Variants in LRFN2 observed in about 807,000 individuals in gnomAD.
The protein encoded by LRFN2 is leucine-rich repeat and fibronectin type-III domain-containing protein 2.
In LRFN2, 18 loss-of-function variants were observed where a neutral mutation model predicts 37.3. The observed-to-expected ratio is 0.48, with a 90% confidence interval of 0.33 to 0.72. The LOEUF (loss-of-function observed/expected upper bound fraction) is 0.72. Ranked by LOEUF, LRFN2 falls within the 30% of genes least tolerant of loss-of-function variation. The pLI, the probability that LRFN2 is intolerant of heterozygous loss-of-function variation, is 0.02. For synonymous variants in LRFN2, 556 were observed against 466.6 expected (o/e 1.19, Z -2.47); for missense variants, 1,006 against 1,060.7 (o/e 0.95, Z 0.72).
chr6:40,400,943 G>T (rs1380133084), intron 2 of LRFN2, among the ~76,000 whole-genome samples: 2 of 151,640 alleles, frequency 1.3e-5, no homozygotes, highest in Non-Finnish European at 2.9e-5. Context: ...AAGGGGTCCT[G>T]GTCCTAGGCA....
chr6:40,396,879 C>T (rs1389890279), intron 2 of LRFN2, among the ~76,000 whole-genome samples: 3 of 152,112 alleles, frequency 2.0e-5, no homozygotes, highest in African/African-American at 4.8e-5. Flanking sequence ...CCAGTATTTG[C>T]CTAGCACTTA....
chr6:40,479,436 T>G (rs559428783), intron 1 of LRFN2, among the ~76,000 whole-genome samples: 3 of 152,128 alleles, frequency 2.0e-5, no homozygotes, highest in Non-Finnish European at 4.4e-5. Context: ...CAAGTCGCTT[T>G]CTCTCACTGG....
intron 1 of LRFN2, among the ~76,000 whole-genome samples, chr6:40,501,150 A>G (rs1765371747): frequency 6.6e-6 from 1 of 151,334 alleles, no homozygotes; most frequent in African/African-American, 2.4e-5. Flanking sequence ...ATGCCTACAT[A>G]TATATCTATC....
chr6:40,536,419 C>T (rs1766449866), intron 1 of LRFN2, among the ~76,000 whole-genome samples: 1 of 152,102 alleles, frequency 6.6e-6, no homozygotes, highest in Non-Finnish European at 1.5e-5. Flanking sequence ...ATGTATTACA[C>T]ACATGTTAAC....
chr6:40,562,956 G>T (rs897126861), intron 1 of LRFN2, among the ~76,000 whole-genome samples: 1 of 152,034 alleles, frequency 6.6e-6, no homozygotes, highest in Non-Finnish European at 1.5e-5. Context: ...GTAGGGGCTG[G>T]CCATGGCGGT....
At chr6:40,419,626 A>C (rs1210521069) in intron 2 of LRFN2, among the ~76,000 whole-genome samples, 3 of 152,102 alleles carry the variant, frequency 2.0e-5, no homozygotes, top group Non-Finnish European at 4.4e-5. Flanking sequence ...GCAGCTGATG[A>C]ATACACCAGG....
intron 2 of LRFN2, among the ~76,000 whole-genome samples, chr6:40,403,650 A>C (rs2113798985): frequency 6.6e-6 from 1 of 152,254 alleles, no homozygotes; most frequent in South Asian, 2.1e-4. Flanking sequence ...CCACTTCCAC[A>C]GCCCGCAAGA....
intron 1 of LRFN2, among the ~76,000 whole-genome samples, chr6:40,542,066 T>C (rs758729071): frequency 9.1e-4 from 138 of 152,366 alleles, no homozygotes; most frequent in Non-Finnish European, 1.6e-3. Flanking sequence ...TGCAGTCATG[T>C]GGACAGAGAC....
rs776263578 is a variant in LRFN2 at position 40,392,063 on chromosome 6, G to A, written c.2250C>T (p.Asn750=). 15 of 1,614,004 alleles carry A rather than the reference G, an allele frequency of 9.3e-6. No individual in the cohort carries two copies. The highest frequency in any genetic ancestry group is 1.7e-5 in the Admixed American group (1 of 59,998). ...GGYSPPRKVS[N]IWTKRSLSVN... ...CAGAGAGGCTGCGCTTCGTCCAGAT[G>A]TTCGAGACCTTCCGAGGAGGACTGT... Residue 750 remains asparagine (N), a synonymous_variant, in exon 3 of 3, where the codon AAC becomes AAT. Coordinates refer to ENST00000338305, the MANE Select transcript of LRFN2 (RefSeq NM_020737.3). The surrounding 1 kb of genome is among the most constrained non-coding windows in gnomAD (Gnocchi z 4.7).
intron 1 of LRFN2, among the ~76,000 whole-genome samples, chr6:40,518,348 T>C (rs768390008): frequency 2.0e-5 from 3 of 152,232 alleles, no homozygotes; most frequent in Non-Finnish European, 2.9e-5. Flanking sequence ...ATGAAATAAA[T>C]ACTACTATGA....
chr6:40,521,491 G>A (rs1033034038), intron 1 of LRFN2, among the ~76,000 whole-genome samples: 3 of 152,358 alleles, frequency 2.0e-5, no homozygotes, highest in Middle Eastern at 3.4e-3. Flanking sequence ...ATTTGCCAGA[G>A]AATCACTAAT....
At chr6:40,435,052 T>TATATATATATAGAGAG (rs1482968698) in intron 1 of LRFN2, among the ~76,000 whole-genome samples, 6 of 37,546 alleles carry the variant, frequency 1.6e-4, no homozygotes, top group Non-Finnish European at 2.9e-4. Context: ...TATATATATA[T>TATATATATATAGAGAG]AGAGAGAGAG....
chr6:40,499,551 T>C (rs767648056), intron 1 of LRFN2, among the ~76,000 whole-genome samples: 15 of 152,046 alleles, frequency 9.9e-5, no homozygotes, highest in Non-Finnish European at 1.9e-4. Context: ...GAAGAGAAAA[T>C]ACAATTGGAG....
At chr6:40,581,646 C>G (rs1222833739) in intron 1 of LRFN2, among the ~76,000 whole-genome samples, 2 of 152,206 alleles carry the variant, frequency 1.3e-5, no homozygotes, top group Non-Finnish European at 2.9e-5. Context: ...ATCTTCAATA[C>G]CTTTTTAGAA....
chr6:40,418,522 T>C (rs1763146679), intron 2 of LRFN2, among the ~76,000 whole-genome samples: 5 of 152,126 alleles, frequency 3.3e-5, no homozygotes, highest in Admixed American at 3.3e-4. Context: ...GACCAGACAA[T>C]AAATATTTAT....
chr6:40,513,980 C>A (rs927412135), intron 1 of LRFN2, among the ~76,000 whole-genome samples: 1 of 151,712 alleles, frequency 6.6e-6, no homozygotes, highest in Non-Finnish European at 1.5e-5. Context: ...GACAAGGGAG[C>A]AGGGAGGTGT....
intron 2 of LRFN2, among the ~76,000 whole-genome samples, chr6:40,395,646 G>A (rs9380954): frequency 0.86 from 130,667 of 151,972 alleles, 56,406 homozygotes; most frequent in Middle Eastern, 0.94. Flanking sequence ...ACACCAGCTG[G>A]TAACTGTGCG....
chr6:40,546,171 A>G (rs115856490), intron 1 of LRFN2, among the ~76,000 whole-genome samples: 4,732 of 152,230 alleles, frequency 0.031, 99 homozygotes, highest in Admixed American at 0.041. Flanking sequence ...TTGCATGACA[A>G]CGCACAGTCA....
At chr6:40,444,108 C>A (rs1763908183) in intron 1 of LRFN2, among the ~76,000 whole-genome samples, 1 of 152,174 alleles carries the variant, frequency 6.6e-6, no homozygotes. Context: ...ACAGGTCAGC[C>A]TACCCGGGCA....
Sources: allele counts gnomAD v4.1 joint callset (sites outside exome capture counted in the v4.1 genomes callset), GRCh38; gene constraint gnomAD v4.1.1; non-coding constraint Gnocchi (gnomAD v3.1); transcripts MANE v1.5; gene names NCBI Gene and HGNC (gene_info 2026-07-23, HGNC 2026-07-21).